The following ODAPH variants were observed in gnomAD, a reference collection of about 807,000 sequenced individuals.
The protein encoded by ODAPH is amelogenesis imperfecta type IIA4.
Under a neutral mutation model 2.8 loss-of-function variants are expected in ODAPH, and 2 were observed. The ratio of observed to expected loss-of-function variants is 0.72; its 90% confidence interval spans 0.30 to 2.28. The LOEUF is 2.28. Ranked by LOEUF, ODAPH falls within the 30% of genes most tolerant of loss-of-function variation. ODAPH has a pLI of 0.13. For missense variants in ODAPH, 159 were observed against 163.3 expected (o/e 0.97, Z 0.14); for synonymous variants, 75 against 60.3 (o/e 1.24, Z -1.13).
In ODAPH at chr4:75,564,220, C is replaced by T. The variant is rs149872876; in HGVS notation, c.174C>T (p.Val58=). ...LTPPPAPRSP[V]TRAQPITKTP... Reference sequence around the variant, plus strand: ...CTCCACCTGCCCCGAGGAGTCCGGTCACAAGGGCCCAGCCCATCACAAAGA... The same window carrying T: ...CTCCACCTGCCCCGAGGAGTCCGGTTACAAGGGCCCAGCCCATCACAAAGA... Residue 58 remains valine (V), a synonymous_variant, in exon 2 of 2, where the codon GTC becomes GTT. Coordinates refer to ENST00000311623, the MANE Select transcript of ODAPH (RefSeq NM_178497.5). The T allele has an allele frequency of 5.0e-6, 8 of 1,614,100 alleles. No individual in the cohort carries two copies. In the South Asian group the frequency reaches 7.7e-5, roughly 16 times the overall value.
rs763292297 is a variant in ODAPH, at chr4:75,564,469, CA to C, written c.*38del. On this transcript the variant is annotated 3_prime_UTR_variant, in exon 2 of 2. Transcript: ENST00000311623. Reference sequence around the variant, plus strand: ...GAAGAGAAACCCAAACATACTGAAGCAAAAAAAAGCCTATCCTTCAGAAAAA... The same window carrying C: ...GAAGAGAAACCCAAACATACTGAAGCAAAAAAAGCCTATCCTTCAGAAAAA... The C allele has an allele frequency of 1.9e-6, 3 of 1,610,090 alleles. No homozygotes were observed. Among genetic ancestry groups the C allele is most frequent in the African/African-American group, 2.7e-5 (2 of 74,414 alleles).
At chr4:75,561,223 C>CA (rs35040152) in intron 1 of ODAPH, among the ~76,000 whole-genome samples, 20,464 of 62,444 alleles carry the variant, frequency 0.33, 3,785 homozygotes, top group African/African-American at 0.46. Flanking sequence ...AACTCAATCT[C>CA]AAAAAAAAAA....
intron 1 of ODAPH, among the ~76,000 whole-genome samples, chr4:75,562,973 G>T (rs1329124718): frequency 2.1e-5 from 2 of 94,104 alleles, no homozygotes; most frequent in South Asian, 4.1e-4. Context: ...TCTTTATTTA[G>T]TTATAATTTA....
intron 1 of ODAPH, among the ~76,000 whole-genome samples, chr4:75,563,023 T>G (rs148330725): frequency 0.11 from 11,160 of 99,644 alleles, 756 homozygotes; most frequent in African/African-American, 0.17. Flanking sequence ...TTTTTTTTTT[T>G]TTTTTTTTTT....
intron 1 of ODAPH, chr4:75,563,404 A>G (rs961933760): frequency 3.2e-5 from 5 of 154,038 alleles, no homozygotes; most frequent in African/African-American, 7.2e-5. Context: ...GTGTATAAAC[A>G]TATGTATGTA....
In ODAPH at chr4:75,556,890, G is replaced by T. The variant is rs72867848; in HGVS notation, c.67+741G>T. 8.9e-3 allele frequency among the ~76,000 whole-genome samples: 1,357 copies of T among 152,298 alleles called. 23 individuals are homozygous for T. The highest frequency in any genetic ancestry group is 0.031 in the African/African-American group (1,289 of 41,556). ...TCAGTTTATTTTAATTCCAAAACTA[G>T]ATGCTGTTTACGGAAGATGGACCTA... On this transcript the variant is annotated intron_variant, in intron 1 of 1. Transcript: ENST00000311623.
chr4:75,560,966 C>T (rs1578294834), intron 1 of ODAPH, among the ~76,000 whole-genome samples: 1 of 152,210 alleles, frequency 6.6e-6, no homozygotes, highest in East Asian at 1.9e-4. Context: ...GCCTGTAATC[C>T]CAGCACTTTG....
At chr4:75,557,147 C>A (rs927789181) in intron 1 of ODAPH, among the ~76,000 whole-genome samples, 2 of 152,136 alleles carry the variant, frequency 1.3e-5, no homozygotes, top group Admixed American at 1.3e-4. Context: ...AGATTATGAA[C>A]AAAACCTGCC....
At chr4:75,556,590 T>C (rs1480245807) in intron 1 of ODAPH, 2 of 1,533,204 alleles carry the variant, frequency 1.3e-6, no homozygotes, top group African/African-American at 2.7e-5. Flanking sequence ...ACATGGTGGG[T>C]ATTTAGTCTT....
At chr4:75,558,193 A>G (rs1219671759) in intron 1 of ODAPH, among the ~76,000 whole-genome samples, 1 of 152,210 alleles carries the variant, frequency 6.6e-6, no homozygotes, top group African/African-American at 2.4e-5. Context: ...ACAGCATAGA[A>G]TTGAAAGGGG....
At chr4:75,561,077 A>G (rs1322140540) in intron 1 of ODAPH, among the ~76,000 whole-genome samples, 1 of 151,770 alleles carries the variant, frequency 6.6e-6, no homozygotes, top group East Asian at 1.9e-4. Flanking sequence ...AAAAAGAATT[A>G]GCCGGGCGTG....
At chr4:75,561,836 G>A (rs188383012) in intron 1 of ODAPH, among the ~76,000 whole-genome samples, 168 of 152,228 alleles carry the variant, frequency 1.1e-3, no homozygotes, top group African/African-American at 3.9e-3. Context: ...AACAGATGGA[G>A]ACTCCGTCGA....
At position 75,564,501 on chromosome 4, in the gene ODAPH, C is replaced by CA. The variant is rs766567294; in HGVS notation, c.*67dup. On this transcript the variant is annotated 3_prime_UTR_variant, in exon 2 of 2. Coordinates refer to ENST00000311623, the MANE Select transcript of ODAPH (RefSeq NM_178497.5). ...AAGCCTATCCTTCAGAAAAAAGCAA[C>CA]AAAAAGATTTCTGTTTTATCTTTCG... 1 of 1,612,604 alleles carries CA rather than the reference C, an allele frequency of 6.2e-7. No individual in the cohort carries two copies. The highest frequency in any genetic ancestry group is 1.1e-5 in the South Asian group (1 of 90,870).
At chr4:75,558,164 T>G (rs527501953) in intron 1 of ODAPH, among the ~76,000 whole-genome samples, 2 of 152,334 alleles carry the variant, frequency 1.3e-5, no homozygotes, top group South Asian at 2.1e-4. Context: ...AACCTGTACC[T>G]GTTGAAACAA....
Position 75,556,138 on chromosome 4 carries a change from C to CTGGTA in ODAPH, c.58_59insGTATG (p.Val20GlyfsTer145), listed in dbSNP as rs747338528. On this transcript the variant is annotated frameshift_variant, in exon 1 of 2. Transcript: ENST00000311623. LOFTEE classifies it low-confidence loss of function (END_TRUNC). ...TTACTGGTATGCTGGTTGGTGGTAA[C>CTGGTA]TGTGGCAGAAGGTAAGGGTTTTGCT... 332 of 1,614,016 alleles carry CTGGTA rather than the reference C, an allele frequency of 2.1e-4. No homozygotes were observed. The highest frequency in any genetic ancestry group is 2.5e-4 in the Non-Finnish European group (300 of 1,179,990).
At chr4:75,562,224 G>T (rs1727608115) in intron 1 of ODAPH, among the ~76,000 whole-genome samples, 1 of 152,100 alleles carries the variant, frequency 6.6e-6, no homozygotes, top group African/African-American at 2.4e-5. Context: ...GTGGACATAG[G>T]CAAGTAACAA....
Position 75,564,560 on chromosome 4 carries a change from C to T in ODAPH, c.*121C>T. On this transcript the variant is annotated 3_prime_UTR_variant, in exon 2 of 2. Transcript: ENST00000311623. ...ACTATTGGATTTGAAGATTAAGTATCCTAAACATCACTGACTAGAAACTGT... is the reference window on the plus strand; with the variant it reads ...ACTATTGGATTTGAAGATTAAGTATTCTAAACATCACTGACTAGAAACTGT... The T allele has an allele frequency of 6.4e-7, 1 of 1,573,252 alleles. No homozygotes were observed. Among genetic ancestry groups the T allele is most frequent in the Non-Finnish European group, 8.6e-7 (1 of 1,162,082 alleles).
intron 1 of ODAPH, among the ~76,000 whole-genome samples, chr4:75,561,592 C>T (rs1342362038): frequency 6.6e-6 from 1 of 151,972 alleles, no homozygotes; most frequent in African/African-American, 2.4e-5. Context: ...ACGCCTATAA[C>T]ACCAGCACTT....
chr4:75,564,117 A>C lies in ODAPH; in HGVS notation c.71A>C (p.Gln24Pro). Residue 24 changes from glutamine (Q) to proline (P), a missense_variant, in exon 2 of 2, where the codon CAA becomes CCA. By Grantham distance (76) the Gln-to-Pro change is moderately conservative. Transcript: ENST00000311623. ...ACTTGCGTTTTCCTCTCCACAGGAC[A>C]AGAAGAGGTATTTACGCCTCCTGGA... ...CWLVVTVAEG[Q>P]EEVFTPPGDS... 6.2e-7 allele frequency: 1 copy of C among 1,614,178 alleles called. No homozygotes were observed. Among genetic ancestry groups the C allele is most frequent in the Non-Finnish European group, 8.5e-7 (1 of 1,180,002 alleles).
Sources: allele counts gnomAD v4.1 joint callset (sites outside exome capture counted in the v4.1 genomes callset), GRCh38; gene constraint gnomAD v4.1.1; transcripts MANE v1.5; gene names NCBI Gene and HGNC (gene_info 2026-07-23, HGNC 2026-07-21).